Variants in ZDHHC14 observed in about 807,000 individuals in gnomAD.
The protein encoded by ZDHHC14 is zDHHC palmitoyltransferase 14, also known as palmitoyltransferase ZDHHC14.
ZDHHC14 carries 16 observed loss-of-function variants against 47.7 expected under a neutral mutation model. The observed-to-expected ratio is 0.34, with a 90% CI of 0.23 to 0.51. The LOEUF is 0.51. ZDHHC14 is among the 20% of genes least tolerant of loss of function. The pLI is 0.97. For synonymous variants in ZDHHC14, 293 were observed against 278.9 expected, an observed-to-expected ratio of 1.05 and a Z score of -0.50; for missense variants, 515 against 662.5, an observed-to-expected ratio of 0.78 and a Z score of 2.44.
chr6:157,495,775 G>A (rs938110634), intron 1 of ZDHHC14, among the ~76,000 whole-genome samples: 13 of 140,102 alleles, frequency 9.3e-5, no homozygotes, highest in African/African-American at 3.4e-4. Context: ...TGTAATCTCA[G>A]CTCACTGCAA....
At chr6:157,630,603 C>G (rs1179694640) in intron 4 of ZDHHC14, 1 of 150,624 alleles carries the variant, frequency 6.6e-6, no homozygotes, top group Non-Finnish European at 1.5e-5. Context: ...CTCACGGTAG[C>G]CACACTCATG....
chr6:157,579,542 G>T (rs1264613271), intron 2 of ZDHHC14, among the ~76,000 whole-genome samples: 1 of 152,064 alleles, frequency 6.6e-6, no homozygotes, highest in African/African-American at 2.4e-5. Flanking sequence ...TTTTCCATTT[G>T]TATGTGTCAT....
chr6:157,426,901 A>G (rs62422850), intron 1 of ZDHHC14, among the ~76,000 whole-genome samples: 148,734 of 152,328 alleles, frequency 0.98, 72,628 homozygotes, highest in East Asian at 1. Context: ...GTGGGTTGAA[A>G]AGTGACAGCT....
intron 8 of ZDHHC14, among the ~76,000 whole-genome samples, chr6:157,657,129 A>G (rs1000985568): frequency 6.6e-6 from 1 of 151,908 alleles, no homozygotes; most frequent in African/African-American, 2.4e-5. Context: ...GCTCACTGCA[A>G]CCTTCACCTC....
chr6:157,613,043 A>G (rs1784814036), intron 3 of ZDHHC14, among the ~76,000 whole-genome samples: 2 of 152,272 alleles, frequency 1.3e-5, no homozygotes, highest in African/African-American at 4.8e-5. Flanking sequence ...AGTCTGATCA[A>G]GAGCTAGTAA....
At chr6:157,477,108 G>A (rs543172093) in intron 1 of ZDHHC14, among the ~76,000 whole-genome samples, 10 of 152,268 alleles carry the variant, frequency 6.6e-5, no homozygotes, top group East Asian at 3.9e-4. Context: ...AAGGCTGGGC[G>A]CAGTGACTCA....
intron 8 of ZDHHC14, among the ~76,000 whole-genome samples, chr6:157,656,646 C>G (rs1404093811): frequency 6.9e-6 from 1 of 145,608 alleles, no homozygotes; most frequent in African/African-American, 2.5e-5. Flanking sequence ...TGGAAAGCTA[C>G]TTATTAAGGC....
intron 1 of ZDHHC14, among the ~76,000 whole-genome samples, chr6:157,442,517 C>T (rs965794802): frequency 1.3e-5 from 2 of 152,198 alleles, no homozygotes; most frequent in African/African-American, 4.8e-5. Flanking sequence ...TCCTGGCTTT[C>T]GAAACTCTAA....
chr6:157,424,926 C>A (rs145909421), intron 1 of ZDHHC14, among the ~76,000 whole-genome samples: 10 of 152,088 alleles, frequency 6.6e-5, no homozygotes, highest in African/African-American at 2.4e-4. Flanking sequence ...CCCGCCAGCC[C>A]GCCCACTCTC....
intron 1 of ZDHHC14, among the ~76,000 whole-genome samples, chr6:157,428,508 G>A (rs1212324003): frequency 6.6e-6 from 1 of 152,030 alleles, no homozygotes; most frequent in Admixed American, 6.6e-5. Context: ...TACATAAAAG[G>A]GTACTGTGAC....
At chr6:157,481,216 T>A (rs1037285964) in intron 1 of ZDHHC14, among the ~76,000 whole-genome samples, 1 of 152,220 alleles carries the variant, frequency 6.6e-6, no homozygotes, top group Non-Finnish European at 1.5e-5. Context: ...TTATTGTGTT[T>A]TATCTAAATA....
chr6:157,492,197 T>G (rs1054048112), intron 1 of ZDHHC14, among the ~76,000 whole-genome samples: 1 of 78,486 alleles, frequency 1.3e-5, no homozygotes, highest in Admixed American at 1.3e-4. Flanking sequence ...ACATCCCCCC[T>G]CCGCCCCCGC....
At chr6:157,469,960 C>T (rs1337216033) in intron 1 of ZDHHC14, among the ~76,000 whole-genome samples, 1 of 152,220 alleles carries the variant, frequency 6.6e-6, no homozygotes, top group African/African-American at 2.4e-5. Context: ...GACCCAGGCC[C>T]ACCACTCACT....
chr6:157,631,957 G>C (rs1785760510), intron 4 of ZDHHC14: 1 of 152,226 alleles, frequency 6.6e-6, no homozygotes, highest in Non-Finnish European at 1.5e-5. Flanking sequence ...AGAGGGAAAG[G>C]GACCTTGGGA....
intron 1 of ZDHHC14, among the ~76,000 whole-genome samples, chr6:157,420,862 C>T (rs1029843975): frequency 6.6e-6 from 1 of 152,136 alleles, no homozygotes; most frequent in African/African-American, 2.4e-5. Context: ...ACATTGCGCT[C>T]CTCTTCCTTG....
chr6:157,660,437 C>T (rs1778301321), intron 8 of ZDHHC14, among the ~76,000 whole-genome samples: 1 of 152,182 alleles, frequency 6.6e-6, no homozygotes, highest in African/African-American at 2.4e-5. Context: ...AGGAGATCCA[C>T]CTGCCTTGGC....
intron 3 of ZDHHC14, among the ~76,000 whole-genome samples, chr6:157,599,341 G>A (rs149777089): frequency 1.8e-3 from 272 of 152,360 alleles, no homozygotes; most frequent in African/African-American, 6.1e-3. Context: ...CAGGTAGGAC[G>A]TTTGCGGCAC....
At position 157,653,547 on chromosome 6, in the gene ZDHHC14, A is replaced by G. The variant is rs750572061; in HGVS notation, c.988A>G (p.Ile330Val). 3 of 1,613,766 alleles carry G rather than the reference A, an allele frequency of 1.9e-6. No homozygotes were observed. The highest frequency in any genetic ancestry group is 3.3e-5 in the Admixed American group (2 of 59,992). Reference protein sequence around the residue: ...SPSLIDRRGYIQPDTPQPAAP... With the variant: ...SPSLIDRRGYVQPDTPQPAAP... Reference sequence around the variant, plus strand: ...CAGCCTGATCGACAGAAGAGGGTACATCCAGCCCGACACGCCGCAGCCAGC... The same window carrying G: ...CAGCCTGATCGACAGAAGAGGGTACGTCCAGCCCGACACGCCGCAGCCAGC... The change falls in exon 8 of 9, where the codon ATC (isoleucine) becomes GTC (valine). Residue 330 changes from isoleucine to valine, a missense_variant. Ile to Val is a conservative substitution (Grantham distance 29). Coordinates refer to ENST00000359775, the MANE Select transcript of ZDHHC14 (RefSeq NM_024630.3).
At chr6:157,522,731 TCCTCCCTCCCTCCCTTTCTTCCTC>T (rs1446649038) in intron 1 of ZDHHC14, among the ~76,000 whole-genome samples, 1 of 27,550 alleles carries the variant, frequency 3.6e-5, no homozygotes, top group African/African-American at 3.3e-4. Context: ...TTCCTTTCTC[TCCTCCCTCCCTCCCTTTCTTCCTC>T]CCTCCCTCCC....
Sources: gnomAD v4.1 joint callset for allele counts (sites outside exome capture counted in the v4.1 genomes callset) on GRCh38, gnomAD v4.1.1 for gene constraint, MANE v1.5 for transcripts, NCBI Gene and HGNC (gene_info 2026-07-23, HGNC 2026-07-21) for gene names.